TAF4B: variants seen among roughly 807,000 people sequenced by gnomAD.
TAF4B encodes the protein transcription initiation factor TFIID subunit 4B.
A neutral mutation model predicts 86.4 loss-of-function variants in TAF4B; 38 were observed. That is an observed-to-expected ratio of 0.44 (90% confidence interval 0.34 to 0.58). The LOEUF is 0.58. Ranked by LOEUF, TAF4B falls within the 20% of genes least tolerant of loss-of-function variation. The probability of loss-of-function intolerance (pLI) is 0.02; values close to 1 mark genes in which losing one functional copy is unlikely to be tolerated. For missense variants in TAF4B, 988 were observed against 1,027.6 expected (o/e 0.96, Z 0.53); for synonymous variants, 388 against 391.2 (o/e 0.99, Z 0.10).
Position 26,315,153 on chromosome 18 carries a change from TCTCTCTCTCA to T in TAF4B, c.1833-74_1833-65del, listed in dbSNP as rs1183990042. ...CTCTCTCTCTCTCTCTCTGTCTCTC[TCTCTCTCTCA>T]CACACACACACACACACACACACAC... On this transcript the variant is annotated intron_variant, in intron 9 of 14. Coordinates refer to ENST00000269142, the MANE Select transcript of TAF4B (RefSeq NM_005640.3). 396 of 467,142 alleles carry T rather than the reference TCTCTCTCTCA, an allele frequency of 8.5e-4. 7 individuals carry two copies. The highest frequency in any genetic ancestry group is 1.9e-3 in the African/African-American group (62 of 33,176). 28.9% of individuals were successfully genotyped at this position (467,142 alleles called of 1,614,324 possible). A position where few individuals can be genotyped will look rare whatever the true frequency, so the allele number is the denominator to read the frequency against.
chr18:26,372,742 G>A (rs1007737006), intron 14 of TAF4B, among the ~76,000 whole-genome samples: 42 of 151,958 alleles, frequency 2.8e-4, no homozygotes, highest in African/African-American at 9.9e-4. Context: ...AGGCTGAGGC[G>A]GGTGGATCAC....
chr18:26,229,974 T>TACAC (rs757693903), intron 1 of TAF4B, among the ~76,000 whole-genome samples: 2 of 150,570 alleles, frequency 1.3e-5, no homozygotes, highest in African/African-American at 5.0e-5. Flanking sequence ...AATATATATA[T>TACAC]ATATACACAC....
At chr18:26,252,533 C>A (rs903650994) in intron 1 of TAF4B, among the ~76,000 whole-genome samples, 3 of 152,038 alleles carry the variant, frequency 2.0e-5, no homozygotes, top group African/African-American at 7.2e-5. Flanking sequence ...TGTTTTAAAT[C>A]GTGTGCCATT....
At chr18:26,382,425 G>C (rs1029164772) in intron 14 of TAF4B, among the ~76,000 whole-genome samples, 6 of 151,942 alleles carry the variant, frequency 3.9e-5, no homozygotes, top group African/African-American at 1.5e-4. Flanking sequence ...CGAATTCCTT[G>C]GTGGGCTGAA....
intron 9 of TAF4B, among the ~76,000 whole-genome samples, chr18:26,306,878 C>T (rs983690529): frequency 7.2e-5 from 11 of 152,094 alleles, no homozygotes; most frequent in Admixed American, 2.6e-4. Flanking sequence ...CCTGGGTTCA[C>T]GCCATTCTCC....
intron 3 of TAF4B, among the ~76,000 whole-genome samples, chr18:26,268,805 T>A (rs2056275812): frequency 6.6e-6 from 1 of 152,044 alleles, no homozygotes; most frequent in South Asian, 2.1e-4. Context: ...TTTATTTATT[T>A]TTTATTTTGT....
chr18:26,234,937 A>G (rs192689703), intron 1 of TAF4B, among the ~76,000 whole-genome samples: 111 of 152,238 alleles, frequency 7.3e-4, no homozygotes, highest in Non-Finnish European at 1.4e-3. Context: ...TTATTTTGAT[A>G]CCCTCTGATA....
At chr18:26,387,479 T>C (rs1978441403) in intron 14 of TAF4B, among the ~76,000 whole-genome samples, 1 of 152,206 alleles carries the variant, frequency 6.6e-6, no homozygotes, top group South Asian at 2.1e-4. Flanking sequence ...GCAAAAATCT[T>C]ATGAAGATAT....
intron 9 of TAF4B, among the ~76,000 whole-genome samples, chr18:26,294,996 C>T (rs1296013088): frequency 6.7e-6 from 1 of 149,426 alleles, no homozygotes; most frequent in Non-Finnish European, 1.5e-5. Context: ...AAACACTGTC[C>T]AGGAAATGAA....
intron 2 of TAF4B, chr18:26,266,140 T>G (rs1346386254): frequency 6.6e-6 from 1 of 152,140 alleles, no homozygotes; most frequent in East Asian, 1.9e-4. Flanking sequence ...GAGACGGAGT[T>G]TTGCTCTTGT....
intron 11 of TAF4B, among the ~76,000 whole-genome samples, chr18:26,324,859 T>G (rs1195735056): frequency 6.6e-6 from 1 of 152,246 alleles, no homozygotes; most frequent in African/African-American, 2.4e-5. Context: ...ATCACCATTA[T>G]TTTGTAGACT....
rs189442090 is a variant in TAF4B at position 26,242,534 on chromosome 18, A to G, written c.343+15258A>G. 3.0e-3 allele frequency among the ~76,000 whole-genome samples: 451 copies of G among 152,124 alleles called. 6 individuals are homozygous for G. The highest frequency in any genetic ancestry group is 0.02 in the East Asian group (106 of 5,180). On this transcript the variant is annotated intron_variant, in intron 1 of 14. Coordinates refer to ENST00000269142, the MANE Select transcript of TAF4B (RefSeq NM_005640.3). ...GCACACTGATGGGTCTTGACTCTTTATCCAGTTTGCCAGTCTGTGTCTTTT... is the reference window on the plus strand; with the variant it reads ...GCACACTGATGGGTCTTGACTCTTTGTCCAGTTTGCCAGTCTGTGTCTTTT...
At chr18:26,375,436 G>A (rs187307685) in intron 14 of TAF4B, among the ~76,000 whole-genome samples, 4 of 152,086 alleles carry the variant, frequency 2.6e-5, no homozygotes, top group Admixed American at 1.3e-4. Flanking sequence ...CTAATGTCTG[G>A]GTCATATGGT....
intron 9 of TAF4B, 41 bp from the exon 10 acceptor site, chr18:26,315,188 C>CACACACAG: frequency 7.2e-7 from 1 of 1,386,394 alleles, no homozygotes; most frequent in African/African-American, 1.6e-5. Context: ...CACACACACA[C>CACACACAG]ACACAACCTA....
chr18:26,286,210 C>T lies in TAF4B; in HGVS notation c.1301C>T (p.Ser434Leu). The T allele has an allele frequency of 6.2e-7, 1 of 1,614,218 alleles. No individual in the cohort carries two copies. The highest frequency in any genetic ancestry group is 8.5e-7 in the Non-Finnish European group (1 of 1,180,040). Reference protein sequence around the residue: ...TTAGTGLLQTSKPLVTSVANT... With the variant: ...TTAGTGLLQTLKPLVTSVANT... ...GCTGGAACTGGTTTGCTTCAGACTT[C>T]AAAACCACTTGTGACATCTGTGGCA... Residue 434 changes from serine to leucine, a missense_variant, in exon 7 of 15, where the codon TCA (serine) becomes TTA (leucine). Physicochemically the swap from Ser to Leu is moderately radical, Grantham distance 145. Transcript: ENST00000269142.
chr18:26,389,760 G>A lies in TAF4B; in HGVS notation c.2422-85G>A, dbSNP rs193251755. On this transcript the variant is annotated intron_variant, in intron 14 of 14. Transcript: ENST00000269142. ...TACCTAACCCAGTGACCAGAGGGTA[G>A]TGGGCTCTGACATGCTAGAATTGAC... 5 of 1,419,048 alleles carry A rather than the reference G, an allele frequency of 3.5e-6. No homozygotes were observed. In the African/African-American group the frequency reaches 5.8e-5, roughly 16 times the overall value. The allele number at this position is 1,419,048 out of a possible 1,614,324, so 87.9% of individuals were successfully genotyped here.
At chr18:26,279,500 C>T (rs1157564893) in intron 5 of TAF4B, among the ~76,000 whole-genome samples, 1 of 137,068 alleles carries the variant, frequency 7.3e-6, no homozygotes, top group Non-Finnish European at 1.6e-5. Flanking sequence ...TTTTAAAATT[C>T]ATATAGGACC....
chr18:26,384,570 T>G (rs1235618988), intron 14 of TAF4B, among the ~76,000 whole-genome samples: 8 of 152,174 alleles, frequency 5.3e-5, no homozygotes, highest in Non-Finnish European at 1.5e-5. Context: ...TGATTTCTCT[T>G]GAGTTCAGTA....
At chr18:26,339,214 G>A (rs139819203) in intron 13 of TAF4B, among the ~76,000 whole-genome samples, 5 of 152,028 alleles carry the variant, frequency 3.3e-5, no homozygotes, top group African/African-American at 1.2e-4. Context: ...TTCTATACTA[G>A]CCCTTTCAAA....
Sources: allele counts gnomAD v4.1 joint callset (sites outside exome capture counted in the v4.1 genomes callset), GRCh38; gene constraint gnomAD v4.1.1; transcripts MANE v1.5; gene names NCBI Gene and HGNC (gene_info 2026-07-23, HGNC 2026-07-21).